Variants in NCS1 observed in about 807,000 individuals in gnomAD.
NCS1 encodes the protein frequenin homolog.
Under a neutral mutation model 28.4 loss-of-function variants are expected in NCS1, and 6 were observed. That is an observed-to-expected ratio of 0.21 (90% CI 0.12 to 0.42). The LOEUF (loss-of-function observed/expected upper bound fraction) is 0.42. Among genes scored for constraint, NCS1 ranks in the 10% least tolerant of loss-of-function variants. The pLI is 1.00. For synonymous variants in NCS1, 86 were observed against 99.3 expected (o/e 0.87, Z 0.79); for missense variants, 131 against 241.4 (o/e 0.54, Z 3.03).
intron 2 of NCS1, among the ~76,000 whole-genome samples, chr9:130,203,179 G>T (rs185322047): frequency 3.5e-5 from 5 of 144,154 alleles, no homozygotes; most frequent in African/African-American, 1.0e-4. Context: ...CTGCTCTGTT[G>T]CTCAGGCTGG....
intron 1 of NCS1, among the ~76,000 whole-genome samples, chr9:130,178,524 G>A (rs1418500603): frequency 1.3e-5 from 2 of 152,222 alleles, no homozygotes; most frequent in Non-Finnish European, 2.9e-5. Flanking sequence ...TTTGGGGCAA[G>A]GCATGGGCAG....
intron 2 of NCS1, among the ~76,000 whole-genome samples, chr9:130,214,876 G>C (rs572034353): frequency 6.6e-6 from 1 of 152,188 alleles, no homozygotes; most frequent in East Asian, 1.9e-4. Flanking sequence ...AACTGGATAG[G>C]CCCCCAAAGG....
intron 1 of NCS1, among the ~76,000 whole-genome samples, chr9:130,173,870 C>G (rs1832526755): frequency 6.6e-6 from 1 of 152,216 alleles, no homozygotes; most frequent in Non-Finnish European, 1.5e-5. Context: ...GGCACGTCTG[C>G]AGGTCTGTCC....
chr9:130,193,842 G>T lies in NCS1; in HGVS notation c.65-7116G>T, dbSNP rs142449592. On this transcript the variant is annotated intron_variant, in intron 1 of 7. Transcript: ENST00000372398. Reference sequence around the variant, plus strand: ...GACAGTCAGTGATCAAAGGTGTCAGGACCGAGGGGACTGTCTGATTTAGTA... The same window carrying T: ...GACAGTCAGTGATCAAAGGTGTCAGTACCGAGGGGACTGTCTGATTTAGTA... 7.7e-3 allele frequency: 1,171 copies of T among 152,686 alleles called. 6 individuals carry two copies. The highest frequency in any genetic ancestry group is 0.013 in the Non-Finnish European group (858 of 68,294). The allele number at this position is 152,686 out of a possible 1,614,324, so 9.5% of individuals were successfully genotyped here.
intron 2 of NCS1, among the ~76,000 whole-genome samples, chr9:130,202,347 C>T (rs1243689034): frequency 7.5e-6 from 1 of 134,110 alleles, no homozygotes; most frequent in East Asian, 2.8e-4. Flanking sequence ...CCTCGCCCCT[C>T]CCCCCCACCC....
intron 1 of NCS1, among the ~76,000 whole-genome samples, chr9:130,187,462 C>T (rs1163793275): frequency 1.3e-5 from 2 of 152,166 alleles, no homozygotes; most frequent in Non-Finnish European, 1.5e-5. Context: ...CTGCCTCTGC[C>T]TGGGCTCCAG....
intron 1 of NCS1, 116 bp from the exon 2 acceptor site, chr9:130,200,841 CG>C: frequency 6.7e-7 from 1 of 1,497,280 alleles, no homozygotes; most frequent in Non-Finnish European, 9.3e-7. Context: ...GGCCGTTGCC[CG>C]GGGACATGGC....
In NCS1 at chr9:130,172,624, C is replaced by A. The variant is rs782744603; in HGVS notation, c.-40C>A. 202 of 1,329,816 alleles carry A rather than the reference C, an allele frequency of 1.5e-4. No homozygotes were observed. The highest frequency in any genetic ancestry group is 1.8e-4 in the Non-Finnish European group (181 of 1,010,874). The allele number at this position is 1,329,816 out of a possible 1,614,324, so 82.4% of individuals were successfully genotyped here. On this transcript the variant is annotated 5_prime_UTR_variant, in exon 1 of 8. Coordinates refer to ENST00000372398, the MANE Select transcript of NCS1 (RefSeq NM_014286.4). ...AGCCGCTCCTGCTGGGCGCCCCAAC[C>A]GGGTCCGGCCCGGGGGGGCGGGGGC... is the stretch of plus-strand genomic sequence containing the variant.
intron 1 of NCS1, among the ~76,000 whole-genome samples, chr9:130,178,796 C>T (rs1832611729): frequency 7.4e-6 from 1 of 135,050 alleles, no homozygotes; most frequent in Non-Finnish European, 1.5e-5. Context: ...AGACAGATTC[C>T]AGATATATTT....
chr9:130,203,316 A>G (rs143102044), intron 2 of NCS1, among the ~76,000 whole-genome samples: 5,535 of 152,022 alleles, frequency 0.036, 330 homozygotes, highest in African/African-American at 0.12. Flanking sequence ...GGGTTTTGCC[A>G]TGTTGGCCAG....
intron 7 of NCS1, among the ~76,000 whole-genome samples, chr9:130,230,596 C>T (rs1432411531): frequency 2.0e-5 from 3 of 151,984 alleles, no homozygotes; most frequent in African/African-American, 4.8e-5. Context: ...GTAGTCCCAG[C>T]TACTCAGGAA....
At position 130,181,979 on chromosome 9, in the gene NCS1, G is replaced by A. The variant is rs1310874302; in HGVS notation, c.64+9252G>A. Among the ~76,000 whole-genome samples, 2 of 152,068 alleles carry A rather than the reference G, an allele frequency of 1.3e-5. No individual in the cohort carries two copies. The highest frequency in any genetic ancestry group is 1.3e-4 in the Admixed American group (2 of 15,268). ...CAGACAGGCCGGGAGCCGCGCCAAA[G>A]GCTGGGAGCTCAGCTGCCAGGTCTG... On this transcript the variant is annotated intron_variant, in intron 1 of 7. Coordinates refer to ENST00000372398, the MANE Select transcript of NCS1 (RefSeq NM_014286.4). The surrounding 1 kb of genome is among the most constrained non-coding windows in gnomAD (Gnocchi z 5.0).
intron 2 of NCS1, 138 bp downstream of exon 2, chr9:130,201,120 C>T: frequency 1.7e-6 from 2 of 1,190,558 alleles, no homozygotes; most frequent in Non-Finnish European, 2.5e-6. Context: ...TCCAGACAGC[C>T]TTTGTTCAGT....
intron 4 of NCS1, among the ~76,000 whole-genome samples, chr9:130,221,210 A>C (rs1048722185): frequency 6.8e-6 from 1 of 146,230 alleles, no homozygotes; most frequent in Non-Finnish European, 1.5e-5. Context: ...TTTTAGTAGA[A>C]ATGGGGTTTC....
chr9:130,202,304 A>G (rs1554907538), intron 2 of NCS1, among the ~76,000 whole-genome samples: 1 of 152,044 alleles, frequency 6.6e-6, no homozygotes, highest in Non-Finnish European at 1.5e-5. Context: ...ATGTTTGCCC[A>G]GGCTGCTCCC....
intron 3 of NCS1, among the ~76,000 whole-genome samples, chr9:130,218,530 TAAC>T (rs1439067792): frequency 6.6e-6 from 1 of 152,080 alleles, no homozygotes; most frequent in East Asian, 1.9e-4. Context: ...CCCATGATAA[TAAC>T]AGGATTAATA....
chr9:130,221,393 T>TA (rs1833289208), intron 4 of NCS1, among the ~76,000 whole-genome samples: 3 of 56,704 alleles, frequency 5.3e-5, no homozygotes, highest in African/African-American at 2.0e-4. Flanking sequence ...TATATATATA[T>TA]ATATATATAT....
In NCS1 at chr9:130,219,915, A is replaced by G; in HGVS notation, c.307+112A>G. ...GTGCCAGACACCCACTGCAGTGACC[A>G]CAGATGGCGTCCCAGCTGTGTCTGC... On this transcript the variant is annotated intron_variant, in intron 4 of 7. Transcript: ENST00000372398. The surrounding 1 kb of genome is among the most constrained non-coding windows in gnomAD (Gnocchi z 5.7). 1 of 1,143,434 alleles carries G rather than the reference A, an allele frequency of 8.7e-7. No homozygotes were observed. Among genetic ancestry groups the G allele is most frequent in the Non-Finnish European group, 1.3e-6 (1 of 769,526 alleles). 70.8% of individuals were successfully genotyped at this position (1,143,434 alleles called of 1,614,324 possible).
chr9:130,216,477 A>G (rs1268738046), intron 2 of NCS1, among the ~76,000 whole-genome samples: 2 of 152,140 alleles, frequency 1.3e-5, no homozygotes, highest in African/African-American at 4.8e-5. Context: ...GCACTTTGGG[A>G]GGCCGAGGCG....
Sources: allele counts gnomAD v4.1 joint callset (sites outside exome capture counted in the v4.1 genomes callset), GRCh38; gene constraint gnomAD v4.1.1; non-coding constraint Gnocchi (gnomAD v3.1); transcripts MANE v1.5; gene names NCBI Gene and HGNC (gene_info 2026-07-23, HGNC 2026-07-21).